The following LAMA2 variants were observed in gnomAD, a reference collection of about 807,000 sequenced individuals.
LAMA2 encodes laminin subunit alpha 2, also known as laminin subunit alpha-2.
In LAMA2, 269 loss-of-function variants were observed where a neutral mutation model predicts 364.8. The observed-to-expected ratio is 0.74, with a 90% confidence interval of 0.67 to 0.82. LAMA2 has a LOEUF of 0.82. Among genes scored for constraint, LAMA2 ranks in the 40% least tolerant of loss-of-function variants. LAMA2 has a pLI of 0.00. For missense variants in LAMA2, 3,807 were observed against 3,873.2 expected (o/e 0.98, Z 0.45); for synonymous variants, 1,379 against 1,370.6 (o/e 1.01, Z -0.14).
chr6:129,212,619 T>TA (rs1201750912), intron 12 of LAMA2, among the ~76,000 whole-genome samples: 1 of 152,052 alleles, frequency 6.6e-6, no homozygotes, highest in Admixed American at 6.5e-5. Flanking sequence ...ATGAGAGTCA[T>TA]AAAAAAAGAA....
chr6:129,171,048 T>C (rs1350287584), intron 9 of LAMA2, among the ~76,000 whole-genome samples: 1 of 152,044 alleles, frequency 6.6e-6, no homozygotes, highest in Non-Finnish European at 1.5e-5. Flanking sequence ...TCCATCCTTT[T>C]ATTTTGAGCC....
chr6:129,335,294 A>G (rs2114550865), intron 29 of LAMA2, among the ~76,000 whole-genome samples: 1 of 152,254 alleles, frequency 6.6e-6, no homozygotes, highest in East Asian at 1.9e-4. Flanking sequence ...ACTGAGTCCA[A>G]GGGGATAGCG....
intron 51 of LAMA2, among the ~76,000 whole-genome samples, chr6:129,465,515 T>C (rs545707246): frequency 6.6e-6 from 1 of 152,088 alleles, no homozygotes; most frequent in South Asian, 2.1e-4. Context: ...ACTGAGAGCT[T>C]AATTTGAAAG....
At chr6:128,970,297 G>C (rs1049403077) in intron 1 of LAMA2, among the ~76,000 whole-genome samples, 2 of 152,088 alleles carry the variant, frequency 1.3e-5, no homozygotes, top group Non-Finnish European at 2.9e-5. Flanking sequence ...AAATTTGCTT[G>C]AATAAAACAT....
intron 9 of LAMA2, 149 bp from the exon 10 acceptor site, chr6:129,177,557 T>G: frequency 5.6e-6 from 4 of 719,380 alleles, no homozygotes; most frequent in Middle Eastern, 3.7e-4. Context: ...AACCCTCTAC[T>G]CTTTGGTTTT....
Position 129,456,460 on chromosome 6 carries a change from T to A in LAMA2, c.6833T>A (p.Met2278Lys), listed in dbSNP as rs1336350002. The change falls in exon 48 of 65, where the codon ATG becomes AAG. Residue 2278 changes from methionine (M) to lysine (K), a missense_variant. Physicochemically the swap from Met to Lys is moderately conservative, Grantham distance 95. Coordinates refer to ENST00000421865, the MANE Select transcript of LAMA2 (RefSeq NM_000426.4). Reference protein sequence around the residue: ...YTILDVDANAMLFVGGLTGKL... With the variant: ...YTILDVDANAKLFVGGLTGKL... The stretch of plus-strand genomic sequence containing the variant: ...ATTCTAGATGTGGATGCAAATGCAA[T>A]GCTGTTTGTTGGTGGCCTGACTGGG... 1.2e-6 allele frequency: 2 copies of A among 1,613,566 alleles called. No individual in the cohort carries two copies. Among genetic ancestry groups the A allele is most frequent in the Admixed American group, 3.3e-5 (2 of 59,992 alleles).
At chr6:129,387,650 C>T (rs560504540) in intron 35 of LAMA2, among the ~76,000 whole-genome samples, 2 of 152,266 alleles carry the variant, frequency 1.3e-5, no homozygotes, top group East Asian at 3.9e-4. Flanking sequence ...GGAACCAACC[C>T]AAATGCCCAT....
intron 4 of LAMA2, among the ~76,000 whole-genome samples, chr6:129,121,002 AT>A (rs1306980273): frequency 6.6e-6 from 1 of 152,198 alleles, no homozygotes; most frequent in African/African-American, 2.4e-5. Context: ...GAGCCTGTGA[AT>A]GCTGAAATGA....
chr6:129,323,594 G>A (rs1197743200), intron 28 of LAMA2, among the ~76,000 whole-genome samples: 3 of 152,160 alleles, frequency 2.0e-5, no homozygotes, highest in Non-Finnish European at 2.9e-5. Flanking sequence ...ATTTCTTGGT[G>A]TTGGAGCCAT....
rs757645847 is a variant in LAMA2 at position 129,445,644 on chromosome 6, C to T, written c.6275-23C>T. ...GCACGTGTGTGCATGCATATACATG[C>T]ACACTAATTTTGTTCTATGCAGTTG... On this transcript the variant is annotated intron_variant, in intron 44 of 64. Transcript: ENST00000421865. 2.5e-6 allele frequency: 4 copies of T among 1,610,138 alleles called. No homozygotes were observed. The East Asian group carries it at 6.7e-5, about 27-fold the overall frequency.
At chr6:129,401,542 G>C (rs910798363) in intron 38 of LAMA2, among the ~76,000 whole-genome samples, 1 of 152,196 alleles carries the variant, frequency 6.6e-6, no homozygotes, top group Non-Finnish European at 1.5e-5. Flanking sequence ...GAGTGTTTGT[G>C]TAAGTGTACT....
At chr6:129,462,320 C>T (rs1483989666) in intron 49 of LAMA2, among the ~76,000 whole-genome samples, 1 of 151,824 alleles carries the variant, frequency 6.6e-6, no homozygotes, top group Non-Finnish European at 1.5e-5. Context: ...AGACACCAAC[C>T]TCAAAGTACT....
At chr6:129,047,730 C>G (rs993960794) in intron 1 of LAMA2, among the ~76,000 whole-genome samples, 3 of 152,034 alleles carry the variant, frequency 2.0e-5, no homozygotes, top group African/African-American at 4.8e-5. Flanking sequence ...TTTATAATTG[C>G]AATTTTTACT....
intron 1 of LAMA2, among the ~76,000 whole-genome samples, chr6:129,019,272 T>C (rs1785266173): frequency 6.6e-6 from 1 of 151,548 alleles, no homozygotes; most frequent in Non-Finnish European, 1.5e-5. Flanking sequence ...ACTTATTCCT[T>C]CAAGTTTTGG....
At chr6:129,414,264 C>T (rs577490330) in intron 40 of LAMA2, among the ~76,000 whole-genome samples, 1 of 152,086 alleles carries the variant, frequency 6.6e-6, no homozygotes, top group Admixed American at 6.5e-5. Context: ...GTAAAGGACC[C>T]ATTATGCAAT....
In LAMA2 at chr6:129,438,654, GAC is replaced by G; in HGVS notation, c.5978_5979del (p.Asp1993AlafsTer13). On this transcript the variant is annotated frameshift_variant, in exon 42 of 65. Transcript: ENST00000421865. LOFTEE classifies it high-confidence loss of function. ...TTGTTTTTTATTCGCAGAAAATGAA[GAC>G]CATCTAAATGGCTTAAAAACCAGGA... ...KLANDVKENE[D>X]HLNGLKTRIE... is the part of the protein sequence containing the mutation. The G allele has an allele frequency of 6.4e-7, 1 of 1,561,920 alleles. No individual in the cohort carries two copies. The highest frequency in any genetic ancestry group is 8.8e-7 in the Non-Finnish European group (1 of 1,133,132).
chr6:129,226,848 C>T lies in LAMA2; in HGVS notation c.1783-23264C>T, dbSNP rs545165002. Among the ~76,000 whole-genome samples the T allele has an allele frequency of 1.2e-3, 184 of 152,206 alleles. 3 individuals carry two copies. The highest frequency in any genetic ancestry group is 4.2e-3 in the African/African-American group (174 of 41,532). On this transcript the variant is annotated intron_variant, in intron 12 of 64. Transcript: ENST00000421865. ...TCTCGAGGAGTATCTTTGTGGCATT[C>T]TCTGTGTTTCCTGAATTTGAATGTT...
intron 55 of LAMA2, among the ~76,000 whole-genome samples, chr6:129,484,914 C>T (rs1028667060): frequency 3.9e-5 from 6 of 152,026 alleles, no homozygotes; most frequent in African/African-American, 1.2e-4. Flanking sequence ...ACAGTGTTAA[C>T]GCAGCTTCAT....
chr6:129,256,334 A>G (rs1218940117), intron 14 of LAMA2, among the ~76,000 whole-genome samples: 1 of 152,150 alleles, frequency 6.6e-6, no homozygotes, highest in Non-Finnish European at 1.5e-5. Flanking sequence ...TGATACTTAA[A>G]TGAAATGTCT....
Sources: allele counts gnomAD v4.1 joint callset (sites outside exome capture counted in the v4.1 genomes callset), GRCh38; gene constraint gnomAD v4.1.1; transcripts MANE v1.5; gene names NCBI Gene and HGNC (gene_info 2026-07-23, HGNC 2026-07-21).